Variants in CDH18 observed in about 807,000 individuals in gnomAD.
The protein encoded by CDH18 is cadherin-18.
Under a neutral mutation model 67.9 loss-of-function variants are expected in CDH18, and 31 were observed. The ratio of observed to expected loss-of-function variants is 0.46; its 90% CI spans 0.34 to 0.62. CDH18 has a LOEUF of 0.62. CDH18 is among the 20% of genes least tolerant of loss of function. The pLI is 0.01. For missense variants in CDH18, 890 were observed against 975.5 expected, an observed-to-expected ratio of 0.91 and a Z score of 1.17; for synonymous variants, 362 against 347.2, an observed-to-expected ratio of 1.04 and a Z score of -0.48.
chr5:20,446,072 T>C (rs1175788037), intron 1 of CDH18, among the ~76,000 whole-genome samples: 1 of 152,138 alleles, frequency 6.6e-6, no homozygotes, highest in African/African-American at 2.4e-5. Flanking sequence ...CCATAATTCA[T>C]TAAGAAAAGC....
At chr5:19,533,412 A>T (rs2126999665) in intron 9 of CDH18, among the ~76,000 whole-genome samples, 1 of 152,280 alleles carries the variant, frequency 6.6e-6, no homozygotes, top group Non-Finnish European at 1.5e-5. Flanking sequence ...ATGGAAGAAA[A>T]GAGAGTACAA....
intron 2 of CDH18, among the ~76,000 whole-genome samples, chr5:19,999,808 A>G (rs1184282726): frequency 6.6e-6 from 1 of 152,208 alleles, no homozygotes; most frequent in African/African-American, 2.4e-5. Flanking sequence ...CCAATTCTGA[A>G]TACGGGGCTT....
At chr5:20,273,890 GT>G (rs373588489) in intron 1 of CDH18, among the ~76,000 whole-genome samples, 1 of 152,168 alleles carries the variant, frequency 6.6e-6, no homozygotes, top group East Asian at 1.9e-4. Flanking sequence ...ATATGTTGAA[GT>G]CTTAACCCCC....
At chr5:20,347,013 G>A (rs190169249) in intron 1 of CDH18, among the ~76,000 whole-genome samples, 1 of 152,198 alleles carries the variant, frequency 6.6e-6, no homozygotes, top group East Asian at 1.9e-4. Context: ...AACTCCTAAG[G>A]AGAGGTTGAA....
At position 20,565,756 on chromosome 5, in the gene CDH18, TA is replaced by T. The variant is rs541394969; in HGVS notation, c.-580+9705del. ...TTGCGTTCCTCCTTGTACGTTATGA[TA>T]AAAAAAAAAAAAAAGTTCCAGCATT... On this transcript the variant is annotated intron_variant, in intron 1 of 14. Transcript: ENST00000507958. Among the ~76,000 whole-genome samples the T allele has an allele frequency of 8.3e-3, 1,179 of 142,316 alleles. 11 individuals carry two copies. Among genetic ancestry groups the T allele is most frequent in the African/African-American group, 0.025 (973 of 38,552 alleles). 93.4% of individuals were successfully genotyped at this position (142,316 alleles called of 152,430 possible). A position where few individuals can be genotyped will look rare whatever the true frequency, so the allele number is the denominator to read the frequency against.
intron 3 of CDH18, among the ~76,000 whole-genome samples, chr5:19,808,241 T>C (rs1778230761): frequency 6.6e-6 from 1 of 151,870 alleles, no homozygotes; most frequent in Non-Finnish European, 1.5e-5. Context: ...TGATTGATTA[T>C]ATTTAACTTT....
At chr5:20,144,390 T>G (rs1033483777) in intron 2 of CDH18, among the ~76,000 whole-genome samples, 1 of 152,128 alleles carries the variant, frequency 6.6e-6, no homozygotes, top group Admixed American at 6.6e-5. Flanking sequence ...AACTCTTACT[T>G]TTTCCTTCCA....
chr5:19,684,594 T>TTAATTTAA (rs1411622837), intron 5 of CDH18, among the ~76,000 whole-genome samples: 4 of 151,508 alleles, frequency 2.6e-5, no homozygotes, highest in Non-Finnish European at 4.4e-5. Context: ...TTAATTTAAT[T>TTAATTTAA]TTTAGAGTCT....
At chr5:20,518,557 C>T (rs1183491018) in intron 1 of CDH18, among the ~76,000 whole-genome samples, 1 of 152,118 alleles carries the variant, frequency 6.6e-6, no homozygotes, top group African/African-American at 2.4e-5. Flanking sequence ...CTGCCTGACA[C>T]GTGGCGTTTC....
intron 2 of CDH18, among the ~76,000 whole-genome samples, chr5:20,105,388 T>C (rs1746839776): frequency 6.6e-6 from 1 of 152,236 alleles, no homozygotes; most frequent in Non-Finnish European, 1.5e-5. Flanking sequence ...CATAATTTAA[T>C]GTTAGACACT....
At chr5:20,386,856 C>A (rs893551628) in intron 1 of CDH18, among the ~76,000 whole-genome samples, 50 of 152,168 alleles carry the variant, frequency 3.3e-4, no homozygotes, top group African/African-American at 1.2e-3. Context: ...TATTTTGGGG[C>A]ATGCCACTGT....
At chr5:19,861,451 G>A (rs1054683862) in intron 2 of CDH18, among the ~76,000 whole-genome samples, 3 of 152,134 alleles carry the variant, frequency 2.0e-5, no homozygotes, top group Admixed American at 2.0e-4. Flanking sequence ...AACAGAGAAG[G>A]ATCCCAATGT....
chr5:20,025,158 T>G (rs1402899639), intron 2 of CDH18, among the ~76,000 whole-genome samples: 2 of 152,202 alleles, frequency 1.3e-5, no homozygotes, highest in South Asian at 2.1e-4. Context: ...TATTCTTTCA[T>G]GCTTTGAGGC....
chr5:20,132,272 T>G (rs1311613427), intron 2 of CDH18, among the ~76,000 whole-genome samples: 1 of 152,160 alleles, frequency 6.6e-6, no homozygotes, highest in Admixed American at 6.5e-5. Context: ...TCTTATGGCT[T>G]TTACACTTCC....
At chr5:19,757,524 T>C (rs548676526) in intron 3 of CDH18, among the ~76,000 whole-genome samples, 1 of 152,268 alleles carries the variant, frequency 6.6e-6, no homozygotes, top group Admixed American at 6.5e-5. Context: ...CCCATTTGGC[T>C]ATGTCAGGGG....
chr5:20,332,289 T>G (rs1173721474), intron 1 of CDH18, among the ~76,000 whole-genome samples: 1 of 152,258 alleles, frequency 6.6e-6, no homozygotes, highest in Non-Finnish European at 1.5e-5. Context: ...TATTTCCATC[T>G]TCCACTACCC....
chr5:20,023,646 G>A (rs1378276632), intron 2 of CDH18, among the ~76,000 whole-genome samples: 15 of 128,058 alleles, frequency 1.2e-4, no homozygotes, highest in African/African-American at 6.0e-5. Flanking sequence ...GCGACAGAGC[G>A]AGACTCCGTC....
intron 2 of CDH18, among the ~76,000 whole-genome samples, chr5:20,133,715 C>T (rs183048746): frequency 3.8e-4 from 58 of 152,020 alleles, no homozygotes; most frequent in African/African-American, 1.3e-3. Context: ...AAAGTGCCCC[C>T]TAACCTTCAA....
chr5:20,265,510 G>A (rs760992399), intron 1 of CDH18, among the ~76,000 whole-genome samples: 3 of 151,858 alleles, frequency 2.0e-5, no homozygotes, highest in Non-Finnish European at 2.9e-5. Flanking sequence ...AGGAATATAA[G>A]GCTCAGGGGC....
Sources: allele counts gnomAD v4.1 joint callset (sites outside exome capture counted in the v4.1 genomes callset), GRCh38; gene constraint gnomAD v4.1.1; transcripts MANE v1.5; gene names NCBI Gene and HGNC (gene_info 2026-07-23, HGNC 2026-07-21).